ZFHX3: variants seen among roughly 807,000 people sequenced by gnomAD.
ZFHX3 encodes zinc finger homeobox protein 3.
Under a neutral mutation model 279.1 loss-of-function variants are expected in ZFHX3, and 42 were observed. The observed-to-expected ratio is 0.15, with a 90% CI of 0.12 to 0.19. The LOEUF is 0.19. Ranked by LOEUF, ZFHX3 falls within the 10% of genes least tolerant of loss-of-function variation. The pLI is 1.00. For missense variants in ZFHX3, 4,981 were observed against 4,754.0 expected (o/e 1.05, Z -1.40); for synonymous variants, 2,293 against 1,957.8 (o/e 1.17, Z -4.52).
chr16:73,203,802 C>T (rs776323908), intron 5 of ZFHX3, among the ~76,000 whole-genome samples: 23 of 152,182 alleles, frequency 1.5e-4, no homozygotes, highest in Non-Finnish European at 2.4e-4. Flanking sequence ...TACAAATGCT[C>T]AGTGGTACCT....
At chr16:73,316,486 C>T (rs181568057) in intron 4 of ZFHX3, among the ~76,000 whole-genome samples, 3 of 152,298 alleles carry the variant, frequency 2.0e-5, no homozygotes, top group Non-Finnish European at 4.4e-5. Flanking sequence ...CTTCTCTGAC[C>T]TCGGATGATT....
chr16:73,774,154 C>T (rs1315417261), intron 1 of ZFHX3, among the ~76,000 whole-genome samples: 1 of 152,062 alleles, frequency 6.6e-6, no homozygotes, highest in Non-Finnish European at 1.5e-5. Flanking sequence ...TAAAAAGATA[C>T]TAAGCTTTTA....
intron 5 of ZFHX3, among the ~76,000 whole-genome samples, chr16:73,228,459 T>C (rs1312308771): frequency 6.6e-6 from 1 of 152,108 alleles, no homozygotes; most frequent in Non-Finnish European, 1.5e-5. Flanking sequence ...GGTCAGAAGT[T>C]CCAGACCAGC....
At chr16:73,623,601 G>T (rs185482992) in intron 2 of ZFHX3, among the ~76,000 whole-genome samples, 1 of 152,180 alleles carries the variant, frequency 6.6e-6, no homozygotes, top group African/African-American at 2.4e-5. Flanking sequence ...GGAGGTAATA[G>T]GTACTCAGGG....
rs538396549 is a variant in ZFHX3 at position 73,245,017 on chromosome 16, A to C, written c.-1104+12030T>G. Among the ~76,000 whole-genome samples the C allele has an allele frequency of 9.2e-5, 14 of 152,274 alleles. 1 individual carries two copies. In the East Asian group the frequency reaches 2.7e-3, roughly 29 times the overall value. ...CAGAGCCCAGCTCTATATAGCTTTGACCAGAGAAACTGGTGATCTCAGCAA... is the reference window on the plus strand; with the variant it reads ...CAGAGCCCAGCTCTATATAGCTTTGCCCAGAGAAACTGGTGATCTCAGCAA... On this transcript the variant is annotated intron_variant, in intron 5 of 17. Transcript: ENST00000641206.
chr16:73,359,511 A>G (rs1158176034), intron 3 of ZFHX3, among the ~76,000 whole-genome samples: 1 of 152,036 alleles, frequency 6.6e-6, no homozygotes, highest in Non-Finnish European at 1.5e-5. Flanking sequence ...CAAACAGGAG[A>G]GTTTAGAGGC....
At chr16:73,689,889 C>T (rs755994340) in intron 1 of ZFHX3, among the ~76,000 whole-genome samples, 4 of 151,102 alleles carry the variant, frequency 2.6e-5, no homozygotes, top group Admixed American at 6.6e-5. Context: ...CAGTGGTGCA[C>T]GCTCACTGCA....
intron 2 of ZFHX3, chr16:73,499,620 GAAA>G (rs763399902): frequency 6.6e-6 from 1 of 152,178 alleles, no homozygotes; most frequent in Non-Finnish European, 1.5e-5. Context: ...GCAAATTTGA[GAAA>G]ACCCAACTCT....
At chr16:73,793,937 G>C (rs1378805722) in intron 1 of ZFHX3, 3 of 152,024 alleles carry the variant, frequency 2.0e-5, no homozygotes, top group Non-Finnish European at 2.9e-5. Flanking sequence ...TTGGGGGGAG[G>C]GGTGTGGCTG....
At chr16:73,850,095 A>C (rs1052456880) in intron 1 of ZFHX3, among the ~76,000 whole-genome samples, 3 of 152,206 alleles carry the variant, frequency 2.0e-5, no homozygotes, top group African/African-American at 7.2e-5. Flanking sequence ...TTTACTTTTT[A>C]GTAAACCATG....
chr16:72,991,004 AAGAG>A (rs964480993), intron 1 of ZFHX3, among the ~76,000 whole-genome samples: 3 of 152,038 alleles, frequency 2.0e-5, no homozygotes, highest in African/African-American at 4.8e-5. Context: ...AAAAAAAAAA[AAGAG>A]AGAGAAATGG....
intron 3 of ZFHX3, among the ~76,000 whole-genome samples, chr16:73,423,293 G>A (rs919861161): frequency 3.3e-5 from 5 of 152,138 alleles, no homozygotes; most frequent in Non-Finnish European, 7.3e-5. Context: ...CAGTTTTATA[G>A]CTAGACGACT....
chr16:73,168,219 CTT>C (rs1206107257), intron 5 of ZFHX3, among the ~76,000 whole-genome samples: 5 of 114,512 alleles, frequency 4.4e-5, no homozygotes, highest in African/African-American at 1.8e-4. Context: ...TGTTTTCTTT[CTT>C]TCTTTCTTTC....
chr16:73,732,032 C>T lies in ZFHX3; in HGVS notation c.-1607-51792G>A, dbSNP rs142870158. On this transcript the variant is annotated intron_variant, in intron 1 of 17. Coordinates refer to the ZFHX3 transcript ENST00000641206. ...TTGGCATGTTTTTATTTGTAGCAAA[C>T]GCTATAATTTTGAAATTACTCTAAC... Among the ~76,000 whole-genome samples the T allele has an allele frequency of 2.0e-4, 30 of 152,250 alleles. 1 individual carries two copies. Among genetic ancestry groups the T allele is most frequent in the Admixed American group, 1.5e-3 (23 of 15,292 alleles).
At chr16:72,955,795 A>AAAAC (rs1961226629) in intron 2 of ZFHX3, among the ~76,000 whole-genome samples, 1 of 149,780 alleles carries the variant, frequency 6.7e-6, no homozygotes, top group Non-Finnish European at 1.5e-5. Context: ...AAAAAAAAAA[A>AAAAC]CCCTCACTTT....
At chr16:73,107,933 G>A (rs8052363) in intron 7 of ZFHX3, among the ~76,000 whole-genome samples, 66,599 of 151,950 alleles carry the variant, frequency 0.44, 15,718 homozygotes, top group African/African-American at 0.61. Context: ...AGGCTGAGGC[G>A]GGCGGATCAC....
At chr16:73,276,800 G>A (rs1164194513) in intron 4 of ZFHX3, among the ~76,000 whole-genome samples, 3 of 152,170 alleles carry the variant, frequency 2.0e-5, no homozygotes, top group Non-Finnish European at 2.9e-5. Flanking sequence ...TTCCATGAAT[G>A]TGGGAAATAG....
chr16:73,226,132 G>A (rs73597351), intron 5 of ZFHX3, among the ~76,000 whole-genome samples: 7,532 of 152,276 alleles, frequency 0.049, 581 homozygotes, highest in African/African-American at 0.16. Flanking sequence ...TAGCTCTGTG[G>A]AAACACTCAG....
chr16:73,700,675 C>T (rs1393827327), intron 1 of ZFHX3, among the ~76,000 whole-genome samples: 1 of 152,062 alleles, frequency 6.6e-6, no homozygotes, highest in Non-Finnish European at 1.5e-5. Flanking sequence ...AAAACACATG[C>T]CATTAAAAGT....
Sources: gnomAD v4.1 joint callset for allele counts (sites outside exome capture counted in the v4.1 genomes callset) on GRCh38, gnomAD v4.1.1 for gene constraint, MANE v1.5 for transcripts, NCBI Gene and HGNC (gene_info 2026-07-23, HGNC 2026-07-21) for gene names.